The following FBXW8 variants were observed in gnomAD, a reference collection of about 807,000 sequenced individuals.
FBXW8 encodes F-box/WD repeat-containing protein 8.
FBXW8 carries 57 observed loss-of-function variants against 65.3 expected under a neutral mutation model. That is an observed-to-expected ratio of 0.87 (90% CI 0.71 to 1.09). The LOEUF (loss-of-function observed/expected upper bound fraction) is 1.09. Ranked by LOEUF, FBXW8 falls within the 50% of genes least tolerant of loss-of-function variation. The probability of loss-of-function intolerance (pLI) is 0.00; values close to 1 mark genes in which losing one functional copy is unlikely to be tolerated. For missense variants in FBXW8, 777 were observed against 814.8 expected, an observed-to-expected ratio of 0.95 and a Z score of 0.57; for synonymous variants, 308 against 330.2, an observed-to-expected ratio of 0.93 and a Z score of 0.73.
chr12:116,922,017 A>G (rs957841577), intron 1 of FBXW8, among the ~76,000 whole-genome samples: 2 of 151,740 alleles, frequency 1.3e-5, no homozygotes, highest in Admixed American at 6.6e-5. Flanking sequence ...TTGTCTAGAG[A>G]CAGTGTCTCA....
chr12:116,917,824 C>T (rs981521983), intron 1 of FBXW8, among the ~76,000 whole-genome samples: 4 of 152,034 alleles, frequency 2.6e-5, no homozygotes, highest in African/African-American at 9.7e-5. Flanking sequence ...AACCCTGTCT[C>T]TACTAAAAAA....
rs1885604851 is a variant in FBXW8, at chr12:116,985,365, A to G, written c.995A>G (p.Tyr332Cys). 1.2e-6 allele frequency: 2 copies of G among 1,613,068 alleles called. No homozygotes were observed. Among genetic ancestry groups the G allele is most frequent in the Admixed American group, 1.7e-5 (1 of 59,654 alleles). ...ATGTTATCCCCCAATGAGGAGGGGT[A>G]CTGGCAGATAGCTGCGGAATTTGAA... is the stretch of plus-strand genomic sequence containing the variant. ...VVMLSPNEEG[Y>C]WQIAAEFEVP... Residue 332 changes from tyrosine to cysteine, a missense_variant, in exon 6 of 11, where the codon TAC becomes TGC. By Grantham distance (194) the Tyr-to-Cys change is radical. Coordinates refer to ENST00000652555, the MANE Select transcript of FBXW8 (RefSeq NM_153348.3).
At chr12:116,971,009 T>C (rs1884615151) in intron 5 of FBXW8, among the ~76,000 whole-genome samples, 1 of 152,154 alleles carries the variant, frequency 6.6e-6, no homozygotes, top group African/African-American at 2.4e-5. Flanking sequence ...TTGTAAAAGA[T>C]AGGGTATGTT....
In FBXW8 at chr12:117,028,165, A is replaced by G. The variant is rs778279893; in HGVS notation, c.1790A>G (p.His597Arg). The G allele has an allele frequency of 3.2e-5, 51 of 1,613,702 alleles. No homozygotes were observed. The highest frequency in any genetic ancestry group is 3.8e-5 in the Non-Finnish European group (45 of 1,179,852). Residue 597 changes from histidine to arginine, a missense_variant, in exon 11 of 11, where the codon CAT becomes CGT. Transcript: ENST00000652555. The surrounding 1 kb of genome is among the most constrained non-coding windows in gnomAD (Gnocchi z 4.1). ...CTCGCACTGGCCTTTCCCTATAACCATGTTTAGGGATGTGCCTCAGTTGGG... is the reference window on the plus strand; with the variant it reads ...CTCGCACTGGCCTTTCCCTATAACCGTGTTTAGGGATGTGCCTCAGTTGGG... ...YDLALAFPYN[H>R]V
At chr12:117,011,702 T>A (rs1592956917) in intron 8 of FBXW8, among the ~76,000 whole-genome samples, 1 of 152,060 alleles carries the variant, frequency 6.6e-6, no homozygotes, top group Non-Finnish European at 1.5e-5. Context: ...AGCTGCTTGG[T>A]TTTGAGGAGA....
chr12:116,963,826 T>C (rs918110531), intron 4 of FBXW8, among the ~76,000 whole-genome samples: 3 of 152,238 alleles, frequency 2.0e-5, no homozygotes, highest in Admixed American at 2.0e-4. Context: ...GGTTCTATCA[T>C]GAGGCCCTTA....
chr12:116,914,848 C>T (rs969376940), intron 1 of FBXW8, among the ~76,000 whole-genome samples: 10 of 152,214 alleles, frequency 6.6e-5, no homozygotes, highest in Non-Finnish European at 1.5e-4. Context: ...GCACTCCAGT[C>T]TGGGCAACAA....
chr12:116,974,894 G>A (rs1157578041), intron 5 of FBXW8, among the ~76,000 whole-genome samples: 2 of 152,180 alleles, frequency 1.3e-5, no homozygotes, highest in Non-Finnish European at 2.9e-5. Context: ...CAAAAGTAAG[G>A]ATGTTTAAAA....
chr12:117,011,607 G>A (rs1953819858), intron 8 of FBXW8, among the ~76,000 whole-genome samples: 1 of 152,158 alleles, frequency 6.6e-6, no homozygotes. Context: ...TCAGTTTGTA[G>A]TTTTAATCCC....
At chr12:116,979,051 A>G (rs1380113191) in intron 5 of FBXW8, 4 of 152,208 alleles carry the variant, frequency 2.6e-5, no homozygotes, top group Non-Finnish European at 1.5e-5. Flanking sequence ...ATGCATCCCT[A>G]ATAAAACAAA....
intron 8 of FBXW8, among the ~76,000 whole-genome samples, chr12:117,013,736 T>TTTA (rs1555225680): frequency 6.6e-6 from 1 of 151,910 alleles, no homozygotes; most frequent in African/African-American, 2.4e-5. Context: ...GGTGTTTTCT[T>TTTA]TTTATTTATT....
At chr12:117,023,654 C>T (rs764813349) in intron 8 of FBXW8, among the ~76,000 whole-genome samples, 2 of 152,252 alleles carry the variant, frequency 1.3e-5, no homozygotes, top group Non-Finnish European at 2.9e-5. Flanking sequence ...TTCCCTTTCT[C>T]AGTTCCAGCA....
At chr12:117,004,749 A>G (rs1953635522) in intron 7 of FBXW8, among the ~76,000 whole-genome samples, 1 of 152,200 alleles carries the variant, frequency 6.6e-6, no homozygotes, top group South Asian at 2.1e-4. Context: ...GTTCTACTTC[A>G]TGCTGGGCAG....
At chr12:117,013,317 G>A (rs1447893350) in intron 8 of FBXW8, among the ~76,000 whole-genome samples, 2 of 152,176 alleles carry the variant, frequency 1.3e-5, no homozygotes, top group Non-Finnish European at 2.9e-5. Context: ...TGGAAACTGA[G>A]TTAATGTTAG....
chr12:116,934,979 A>G (rs1882054779), intron 2 of FBXW8, among the ~76,000 whole-genome samples: 1 of 152,092 alleles, frequency 6.6e-6, no homozygotes, highest in African/African-American at 2.4e-5. Context: ...CTCCATCTCT[A>G]ACCCCTGGCA....
At chr12:116,962,183 A>G (rs955044393) in intron 4 of FBXW8, among the ~76,000 whole-genome samples, 2 of 152,180 alleles carry the variant, frequency 1.3e-5, no homozygotes. Context: ...GTGTGAGTGG[A>G]CCAACCTCCT....
intron 1 of FBXW8, among the ~76,000 whole-genome samples, chr12:116,918,909 A>G (rs1475629130): frequency 2.0e-5 from 3 of 152,192 alleles, no homozygotes; most frequent in African/African-American, 7.2e-5. Flanking sequence ...GATACATTTC[A>G]AGACCCCCGG....
At chr12:116,980,537 A>G (rs1165464004) in intron 5 of FBXW8, 1 of 152,226 alleles carries the variant, frequency 6.6e-6, no homozygotes, top group African/African-American at 2.4e-5. Context: ...CCATTTCACA[A>G]GTTCACAGTG....
chr12:116,935,948 A>G (rs144787572), intron 2 of FBXW8, among the ~76,000 whole-genome samples: 6 of 152,354 alleles, frequency 3.9e-5, no homozygotes, highest in Non-Finnish European at 8.8e-5. Flanking sequence ...AGAGCTGACT[A>G]TGTATGTGCG....
Sources: gnomAD v4.1 joint callset for allele counts (sites outside exome capture counted in the v4.1 genomes callset) on GRCh38, gnomAD v4.1.1 for gene constraint, Gnocchi (gnomAD v3.1) non-coding constraint, MANE v1.5 for transcripts, NCBI Gene and HGNC (gene_info 2026-07-23, HGNC 2026-07-21) for gene names.